Variants in XKR9 observed in about 807,000 individuals in gnomAD.
XKR9 encodes the protein XK related 9.
XKR9 carries 32 observed loss-of-function variants against 32.0 expected under a neutral mutation model. The ratio of observed to expected loss-of-function variants is 1.00; its 90% CI spans 0.76 to 1.34. The LOEUF is 1.34. XKR9 is among the 40% of genes most tolerant of loss of function. The pLI is 0.00. For missense variants in XKR9, 546 were observed against 429.7 expected (o/e 1.27, Z -2.39); for synonymous variants, 168 against 143.4 (o/e 1.17, Z -1.22).
At chr8:70,765,204 C>T (rs970618432) in intron 2 of XKR9, among the ~76,000 whole-genome samples, 2 of 152,188 alleles carry the variant, frequency 1.3e-5, no homozygotes, top group East Asian at 1.9e-4. Context: ...TTTACACTCC[C>T]ACCAACAGTG....
the XKR9 span, among the ~76,000 whole-genome samples, chr8:70,811,199 A>C: frequency 6.6e-6 from 1 of 152,152 alleles, no homozygotes; most frequent in Non-Finnish European, 1.5e-5. Flanking sequence ...TACTGGGTAC[A>C]TAACGAAATG....
intron 2 of XKR9, among the ~76,000 whole-genome samples, chr8:70,746,993 C>T (rs1172980553): frequency 6.6e-6 from 1 of 152,080 alleles, no homozygotes; most frequent in Admixed American, 6.6e-5. Context: ...TGTTTAGCTC[C>T]CACTTATAAG....
chr8:70,799,378 T>C, the XKR9 span, among the ~76,000 whole-genome samples: 1 of 152,208 alleles, frequency 6.6e-6, no homozygotes, highest in African/African-American at 2.4e-5. Flanking sequence ...TAGCCCAAGC[T>C]GGAGTGCTGC....
the XKR9 span, among the ~76,000 whole-genome samples, chr8:71,025,577 C>T: frequency 2.0e-5 from 3 of 152,320 alleles, no homozygotes; most frequent in East Asian, 5.8e-4. Context: ...AATTAAAGGG[C>T]ATGATCTTCT....
the XKR9 span, among the ~76,000 whole-genome samples, chr8:70,890,365 T>C: frequency 6.6e-6 from 1 of 152,008 alleles, no homozygotes; most frequent in Non-Finnish European, 1.5e-5. Context: ...ATAGTGAGAC[T>C]AGACATCCTT....
chr8:70,925,061 C>A, the XKR9 span, among the ~76,000 whole-genome samples: 1 of 152,170 alleles, frequency 6.6e-6, no homozygotes, highest in African/African-American at 2.4e-5. Flanking sequence ...TTGTCACATT[C>A]AAAAATCATT....
intron 4 of XKR9, among the ~76,000 whole-genome samples, chr8:70,708,701 T>C (rs1269352240): frequency 1.3e-5 from 2 of 152,166 alleles, no homozygotes; most frequent in African/African-American, 4.8e-5. Context: ...GGAGGAATTA[T>C]GAATGATTGT....
At chr8:70,985,598 T>G in the XKR9 span, among the ~76,000 whole-genome samples, 2 of 152,240 alleles carry the variant, frequency 1.3e-5, no homozygotes, top group Non-Finnish European at 2.9e-5. Context: ...AGAATAATTC[T>G]ATTTTCAAGA....
chr8:70,784,422 T>A (rs995375805), intron 2 of XKR9, among the ~76,000 whole-genome samples: 1 of 151,936 alleles, frequency 6.6e-6, no homozygotes, highest in East Asian at 1.9e-4. Flanking sequence ...TTTTTTTACC[T>A]CTTTAGTTAA....
the XKR9 span, among the ~76,000 whole-genome samples, chr8:70,886,655 T>C: frequency 6.6e-6 from 1 of 151,758 alleles, no homozygotes; most frequent in Non-Finnish European, 1.5e-5. Context: ...GATAAGCTTT[T>C]TTTTTCATAT....
At chr8:70,760,887 C>T (rs909541455) in intron 2 of XKR9, among the ~76,000 whole-genome samples, 4 of 152,058 alleles carry the variant, frequency 2.6e-5, no homozygotes, top group African/African-American at 9.7e-5. Flanking sequence ...TCTGGTAGGC[C>T]CAGTGTGCAT....
At chr8:70,934,905 T>C in the XKR9 span, among the ~76,000 whole-genome samples, 1 of 151,764 alleles carries the variant, frequency 6.6e-6, no homozygotes, top group East Asian at 1.9e-4. Context: ...TACTTAGATA[T>C]AGGTTTCTGA....
chr8:70,859,730 G>T, the XKR9 span, among the ~76,000 whole-genome samples: 1 of 152,034 alleles, frequency 6.6e-6, no homozygotes, highest in African/African-American at 2.4e-5. Context: ...GTGAAATAAG[G>T]CAGGCACACA....
chr8:70,914,064 T>C, the XKR9 span, among the ~76,000 whole-genome samples: 5 of 152,190 alleles, frequency 3.3e-5, no homozygotes, highest in African/African-American at 1.2e-4. Context: ...TGATTATATT[T>C]ATACATTTTT....
At chr8:71,058,546 A>C in the XKR9 span, among the ~76,000 whole-genome samples, 3 of 152,184 alleles carry the variant, frequency 2.0e-5, no homozygotes, top group Admixed American at 2.0e-4. Context: ...GAAAGCAATA[A>C]GATTGACTAA....
the XKR9 span, among the ~76,000 whole-genome samples, chr8:70,815,258 C>T: frequency 5.7e-4 from 86 of 152,062 alleles, no homozygotes; most frequent in African/African-American, 2.0e-3. Flanking sequence ...CAGATTATTT[C>T]ATCACCACCA....
the XKR9 span, among the ~76,000 whole-genome samples, chr8:70,993,101 C>A: frequency 6.6e-6 from 1 of 152,110 alleles, no homozygotes; most frequent in Non-Finnish European, 1.5e-5. Flanking sequence ...GTTAACCTAG[C>A]GTGGCTTCAG....
chr8:70,795,355 T>A (rs559784428), downstream of XKR9, among the ~76,000 whole-genome samples: 10 of 152,258 alleles, frequency 6.6e-5, no homozygotes, highest in Non-Finnish European at 1.3e-4. Flanking sequence ...GTACCATATT[T>A]TCTTTATTTA....
chr8:70,783,883 A>G (rs1485597243), intron 2 of XKR9, among the ~76,000 whole-genome samples: 4 of 152,136 alleles, frequency 2.6e-5, no homozygotes, highest in Non-Finnish European at 5.9e-5. Context: ...TGATTTTTGT[A>G]TATGATTTGA....
Sources: gnomAD v4.1 joint callset for allele counts (sites outside exome capture counted in the v4.1 genomes callset) on GRCh38, gnomAD v4.1.1 for gene constraint, MANE v1.5 for transcripts, NCBI Gene and HGNC (gene_info 2026-07-23, HGNC 2026-07-21) for gene names.